Variants in PCDHGB3 observed in about 807,000 individuals in gnomAD.
PCDHGB3 encodes protocadherin gamma-B3.
In PCDHGB3, 40 loss-of-function variants were observed where a neutral mutation model predicts 59.2. The ratio of observed to expected loss-of-function variants is 0.68; its 90% CI spans 0.52 to 0.88. The LOEUF is 0.88. Among genes scored for constraint, PCDHGB3 ranks in the 40% least tolerant of loss-of-function variants. The pLI is 0.00. For synonymous variants in PCDHGB3, 581 were observed against 503.6 expected, an observed-to-expected ratio of 1.15 and a Z score of -2.06; for missense variants, 1,309 against 1,187.9, an observed-to-expected ratio of 1.10 and a Z score of -1.50.
chr5:141,385,593 C>T lies in PCDHGB3; in HGVS notation c.2415+12784C>T. On this transcript the variant is annotated intron_variant, in intron 1 of 3. Transcript: ENST00000576222. ...ACTTTCCAATCTATGTTCCAACCTA[C>T]TTTCTTAACTCATATATTTTATACA... is the stretch of plus-strand genomic sequence containing the variant. The T allele has an allele frequency of 2.4e-6, 3 of 1,235,054 alleles. No individual in the cohort carries two copies. The South Asian group carries it at 7.5e-5, about 31-fold the overall frequency. The allele number at this position is 1,235,054 out of a possible 1,614,324, so 76.5% of individuals were successfully genotyped here. A position where few individuals can be genotyped will look rare whatever the true frequency, so the allele number is the denominator to read the frequency against.
intron 1 of PCDHGB3, chr5:141,428,330 T>C: frequency 1.6e-6 from 1 of 628,558 alleles, no homozygotes; most frequent in Non-Finnish European, 2.9e-6. Flanking sequence ...TTGATTTCTA[T>C]GCTCTTCTTC....
Position 141,476,735 on chromosome 5 carries a change from G to C in PCDHGB3, c.2416-18072G>C, listed in dbSNP as rs1267556668. The C allele has an allele frequency of 6.2e-7, 1 of 1,613,974 alleles. No individual in the cohort carries two copies. Among genetic ancestry groups the C allele is most frequent in the African/African-American group, 1.3e-5 (1 of 74,940 alleles). On this transcript the variant is annotated intron_variant, in intron 1 of 3. Coordinates refer to ENST00000576222, the MANE Select transcript of PCDHGB3 (RefSeq NM_018924.5). This position sits in a 1 kb window ranked among gnomAD's most constrained non-coding sequence, Gnocchi z 7.6. ...GGAGCGCGCCCTGGACCGAGAACGG[G>C]AGCCTAGTCTCCAGTTAGTGCTGAC...
At chr5:141,385,474 T>G (rs554098554) in intron 1 of PCDHGB3, 33 of 1,436,526 alleles carry the variant, frequency 2.3e-5, no homozygotes, top group Non-Finnish European at 2.7e-5. Context: ...GGTGACACTT[T>G]AATATAGAAC....
rs770930842 is a variant in PCDHGB3 at position 141,432,673 on chromosome 5, C to G, written c.2415+59864C>G. 10 of 1,613,804 alleles carry G rather than the reference C, an allele frequency of 6.2e-6. No homozygotes were observed. The East Asian group carries it at 1.3e-4, about 22-fold the overall frequency. ...GAGCCCTGCTGGACAGAGACGCGCT[C>G]AAGCAGAGCCTCGTAGTGGCCGTCC... is the stretch of plus-strand genomic sequence containing the variant. On this transcript the variant is annotated intron_variant, in intron 1 of 3. Transcript: ENST00000576222. The surrounding 1 kb of genome is among the most constrained non-coding windows in gnomAD (Gnocchi z 6.0).
intron 2 of PCDHGB3, among the ~76,000 whole-genome samples, chr5:141,496,008 C>CT (rs1468405718): frequency 2.0e-5 from 3 of 151,956 alleles, no homozygotes; most frequent in Non-Finnish European, 4.4e-5. Flanking sequence ...TTTATCTTGT[C>CT]TTTTTTCTCT....
chr5:141,477,212 C>T lies in PCDHGB3; in HGVS notation c.2416-17595C>T, dbSNP rs1488282405. On this transcript the variant is annotated intron_variant, in intron 1 of 3. Coordinates refer to ENST00000576222, the MANE Select transcript of PCDHGB3 (RefSeq NM_018924.5). This position sits in a 1 kb window ranked among gnomAD's most constrained non-coding sequence, Gnocchi z 4.9. ...GTACAGCCCAGTACCCGAGGATGCC[C>T]CTCTGGGGACTGTCATCGCTTTGCT... 11 of 1,614,048 alleles carry T rather than the reference C, an allele frequency of 6.8e-6. No individual in the cohort carries two copies. The highest frequency in any genetic ancestry group is 1.3e-5 in the African/African-American group (1 of 74,918).
At chr5:141,461,409 A>G (rs572412049) in intron 1 of PCDHGB3, among the ~76,000 whole-genome samples, 1 of 151,928 alleles carries the variant, frequency 6.6e-6, no homozygotes, top group East Asian at 1.9e-4. Flanking sequence ...GCATTTTTTC[A>G]TATGTTTGTG....
chr5:141,456,800 TA>T (rs1038857337), intron 1 of PCDHGB3, among the ~76,000 whole-genome samples: 2 of 151,846 alleles, frequency 1.3e-5, no homozygotes, highest in African/African-American at 4.8e-5. Flanking sequence ...CCATCTCTAC[TA>T]AAAATACAAA....
rs1216840918 is a variant in PCDHGB3, at chr5:141,476,285, G to C, written c.2416-18522G>C. The C allele has an allele frequency of 1.2e-6, 2 of 1,614,036 alleles. No individual in the cohort carries two copies. The highest frequency in any genetic ancestry group is 1.7e-6 in the Non-Finnish European group (2 of 1,180,032). ...CAACGTGGTCGCGAACCTTGGTTTG[G>C]ATCTCGGTAGCCTCTCAGCCCGCAG... On this transcript the variant is annotated intron_variant, in intron 1 of 3. Coordinates refer to ENST00000576222, the MANE Select transcript of PCDHGB3 (RefSeq NM_018924.5). This position sits in a 1 kb window ranked among gnomAD's most constrained non-coding sequence, Gnocchi z 7.6.
At chr5:141,443,328 A>C (rs569134076) in intron 1 of PCDHGB3, among the ~76,000 whole-genome samples, 24 of 151,794 alleles carry the variant, frequency 1.6e-4, no homozygotes, top group African/African-American at 4.8e-4. Context: ...AAAAAAAAAA[A>C]ACAAAAATTA....
At chr5:141,406,544 T>A (rs1254762260) in intron 1 of PCDHGB3, among the ~76,000 whole-genome samples, 1 of 152,222 alleles carries the variant, frequency 6.6e-6, no homozygotes, top group Non-Finnish European at 1.5e-5. Context: ...AGATTCAAAC[T>A]TCAGTTATCC....
intron 1 of PCDHGB3, chr5:141,419,137 C>CAGGG: frequency 6.2e-7 from 1 of 1,613,892 alleles, no homozygotes; most frequent in Non-Finnish European, 8.5e-7. Context: ...CAGCCACAGA[C>CAGGG]AGGGGCAAGC....
chr5:141,443,820 T>C (rs1329478151), intron 1 of PCDHGB3, among the ~76,000 whole-genome samples: 1 of 151,986 alleles, frequency 6.6e-6, no homozygotes. Flanking sequence ...TTGGAAAACA[T>C]AATTAGGTAA....
chr5:141,443,974 G>A (rs775899117), intron 1 of PCDHGB3, among the ~76,000 whole-genome samples: 5 of 152,066 alleles, frequency 3.3e-5, no homozygotes, highest in Non-Finnish European at 7.4e-5. Context: ...GTCCATCTAA[G>A]CTATGTTAAT....
rs1331862731 is a variant in PCDHGB3 at position 141,372,048 on chromosome 5, G to C, written c.1654G>C (p.Val552Leu). 6.2e-7 allele frequency: 1 copy of C among 1,613,392 alleles called. No individual in the cohort carries two copies. Among genetic ancestry groups the C allele is most frequent in the African/African-American group, 1.3e-5 (1 of 74,950 alleles). The change falls in exon 1 of 4, where the codon GTG (valine) becomes CTG (leucine). Residue 552 changes from valine to leucine, a missense_variant. Transcript: ENST00000576222. ...LSANVSLRVL[V>L]DDRNDNAPLV... Reference sequence around the variant, plus strand: ...CGCCAACGTGAGCCTGCGCGTGTTGGTGGACGACCGCAACGACAATGCACC... The same window carrying C: ...CGCCAACGTGAGCCTGCGCGTGTTGCTGGACGACCGCAACGACAATGCACC...
chr5:141,421,713 T>G, intron 1 of PCDHGB3: 1 of 1,613,932 alleles, frequency 6.2e-7, no homozygotes, highest in South Asian at 1.1e-5. Flanking sequence ...GGGATCCAGA[T>G]GTGGGCGTGA....
Position 141,431,706 on chromosome 5 carries a change from AG to A in PCDHGB3, c.2415+58898del. The A allele has an allele frequency of 6.2e-7, 1 of 1,614,248 alleles. No homozygotes were observed. The highest frequency in any genetic ancestry group is 8.5e-7 in the Non-Finnish European group (1 of 1,180,048). ...GACCACGAGGAGTCAGGATTCTACC[AG>A]ATGGAAGTGCAAGCAATGGATAATG... On this transcript the variant is annotated intron_variant, in intron 1 of 3. Coordinates refer to ENST00000576222, the MANE Select transcript of PCDHGB3 (RefSeq NM_018924.5). This position sits in a 1 kb window ranked among gnomAD's most constrained non-coding sequence, Gnocchi z 4.8.
rs761472193 is a variant in PCDHGB3 at position 141,370,472 on chromosome 5, C to A, written c.78C>A (p.Asp26Glu). 115 of 1,613,332 alleles carry A rather than the reference C, an allele frequency of 7.1e-5. No individual in the cohort carries two copies. The Admixed American group carries it at 1.9e-3, about 27-fold the overall frequency. The change falls in exon 1 of 4, where the codon GAC becomes GAA. Residue 26 changes from aspartate to glutamate, a missense_variant. Transcript: ENST00000576222. ...MLFLFLLSLL[D>E]QALSEPIRYA... is the part of the protein sequence containing the mutation. ...TTCTCTTCCTGCTCTCTTTGTTAGA[C>A]CAGGCTCTCTCCGAACCGATCCGCT...
chr5:141,426,375 G>A, intron 1 of PCDHGB3: 2 of 216,424 alleles, frequency 9.2e-6, no homozygotes, highest in South Asian at 7.8e-5. Flanking sequence ...GGGCACCCTC[G>A]GAGCAGATCC....
Sources: gnomAD v4.1 joint callset for allele counts (sites outside exome capture counted in the v4.1 genomes callset) on GRCh38, gnomAD v4.1.1 for gene constraint, Gnocchi (gnomAD v3.1) non-coding constraint, MANE v1.5 for transcripts, NCBI Gene and HGNC (gene_info 2026-07-23, HGNC 2026-07-21) for gene names.